ATAD2B: variants seen among roughly 807,000 people sequenced by gnomAD.
ATAD2B encodes ATPase family AAA domain containing 2B, also known as ATPase family AAA domain-containing protein 2B.
Under a neutral mutation model 167.6 loss-of-function variants are expected in ATAD2B, and 40 were observed. The observed-to-expected ratio is 0.24, with a 90% CI of 0.19 to 0.31. The LOEUF (loss-of-function observed/expected upper bound fraction) is 0.31, where lower values mean the gene tolerates loss of function less well. Ranked by LOEUF, ATAD2B falls within the 10% of genes least tolerant of loss-of-function variation. The pLI is 1.00. For missense variants in ATAD2B, 1,242 were observed against 1,757.2 expected, an observed-to-expected ratio of 0.71 and a Z score of 5.24; for synonymous variants, 579 against 596.5, an observed-to-expected ratio of 0.97 and a Z score of 0.43.
At chr2:23,882,897 A>G (rs1437061551) in intron 6 of ATAD2B, among the ~76,000 whole-genome samples, 2 of 152,154 alleles carry the variant, frequency 1.3e-5, no homozygotes, top group Admixed American at 1.3e-4. Flanking sequence ...TTTTAACCAC[A>G]AGAACTGTCA....
intron 17 of ATAD2B, among the ~76,000 whole-genome samples, chr2:23,818,102 C>CACAA (rs1686761241): frequency 3.2e-5 from 1 of 31,614 alleles, no homozygotes; most frequent in African/African-American, 7.9e-5. Context: ...ACATTACACA[C>CACAA]ACACACACAC....
the ATAD2B span, chr2:23,706,475 C>A: frequency 1.3e-6 from 2 of 1,490,318 alleles, no homozygotes; most frequent in Non-Finnish European, 1.8e-6. Context: ...CGCTTTCCCC[C>A]AACAGTGCTG....
At position 23,798,126 on chromosome 2, in the gene ATAD2B, A is replaced by G. The variant is rs1327892546; in HGVS notation, c.2640+12T>C. 1 of 1,422,770 alleles carries G rather than the reference A, an allele frequency of 7.0e-7. No individual in the cohort carries two copies. Among genetic ancestry groups the G allele is most frequent in the Admixed American group, 2.3e-5 (1 of 43,342 alleles). 88.1% of individuals were successfully genotyped at this position (1,422,770 alleles called of 1,614,324 possible). On this transcript the variant is annotated intron_variant, in intron 19 of 27. Coordinates refer to ENST00000238789, the MANE Select transcript of ATAD2B (RefSeq NM_017552.4). ...TATAATAAGGAAAGATAAATATTTA[A>G]TCAGTTCTTACCTCTTCAGGCAGTT...
chr2:23,878,026 A>AAAAAAAAAAAAAAAAAAAG (rs1553440562), intron 7 of ATAD2B, among the ~76,000 whole-genome samples: 1 of 129,330 alleles, frequency 7.7e-6, no homozygotes, highest in Non-Finnish European at 1.7e-5. Context: ...AAAAAAAAAA[A>AAAAAAAAAAAAAAAAAAAG]AAAAAAAAAA....
chr2:23,871,282 C>T (rs1207763975), intron 8 of ATAD2B, among the ~76,000 whole-genome samples: 1 of 150,756 alleles, frequency 6.6e-6, no homozygotes. Flanking sequence ...CTCAGCTCTG[C>T]TTTACTAAAA....
chr2:23,823,123 C>A, intron 16 of ATAD2B, 135 bp downstream of exon 16: 1 of 773,080 alleles, frequency 1.3e-6, no homozygotes. Context: ...GGCAATATGC[C>A]AGGCCTGGAA....
At chr2:23,865,366 T>C (rs879831205) in intron 10 of ATAD2B, among the ~76,000 whole-genome samples, 2 of 151,904 alleles carry the variant, frequency 1.3e-5, no homozygotes, top group Non-Finnish European at 2.9e-5. Flanking sequence ...CCATCTCTAC[T>C]AAAAATACAA....
chr2:23,848,973 A>C (rs1448629225), intron 13 of ATAD2B, among the ~76,000 whole-genome samples: 1 of 152,192 alleles, frequency 6.6e-6, no homozygotes, highest in Non-Finnish European at 1.5e-5. Flanking sequence ...TTATACCTCA[A>C]TAAAGCTCTT....
chr2:23,883,415 T>C (rs1573237530), intron 6 of ATAD2B, among the ~76,000 whole-genome samples: 1 of 152,064 alleles, frequency 6.6e-6, no homozygotes, highest in African/African-American at 2.4e-5. Flanking sequence ...AATAATACTA[T>C]AAAATACTTG....
At chr2:23,734,143 G>C in the ATAD2B span, among the ~76,000 whole-genome samples, 26 of 151,976 alleles carry the variant, frequency 1.7e-4, no homozygotes, top group African/African-American at 6.0e-4. Flanking sequence ...AGAATTACCC[G>C]ATACTGGGTA....
chr2:23,762,187 T>G, intron 24 of ATAD2B, 22 bp downstream of exon 24: 1 of 1,611,760 alleles, frequency 6.2e-7, no homozygotes, highest in Non-Finnish European at 8.5e-7. Context: ...CACTACTGGA[T>G]AACATGAGCT....
the ATAD2B span, among the ~76,000 whole-genome samples, chr2:23,695,156 G>A: frequency 3.9e-5 from 6 of 152,130 alleles, no homozygotes; most frequent in African/African-American, 7.2e-5. This position sits in a 1 kb window ranked among gnomAD's most constrained non-coding sequence, Gnocchi z 7.6. Flanking sequence ...AGGCTCCCAC[G>A]GCTGAGACTT....
the ATAD2B span, among the ~76,000 whole-genome samples, chr2:23,723,906 G>A: frequency 6.6e-6 from 1 of 152,174 alleles, no homozygotes; most frequent in East Asian, 1.9e-4. Flanking sequence ...TAAAGAAAAT[G>A]TGGTTATATA....
the ATAD2B span, chr2:23,691,978 C>T: frequency 6.2e-6 from 7 of 1,126,112 alleles, no homozygotes; most frequent in Non-Finnish European, 7.6e-6. Flanking sequence ...TGTGTGCACA[C>T]CTGAAGCTCC....
intron 22 of ATAD2B, among the ~76,000 whole-genome samples, chr2:23,778,426 T>C (rs1278102958): frequency 6.6e-6 from 1 of 152,204 alleles, no homozygotes; most frequent in African/African-American, 2.4e-5. Context: ...TACCAGCCCT[T>C]AGATTTGTTT....
chr2:23,884,220 A>G lies in ATAD2B; in HGVS notation c.784+545T>C, dbSNP rs1425466823. ...CATCAATTTATAATTCATGGGGCCA[A>G]TGTGCTGCTGTCATGTTCCCAACTC... On this transcript the variant is annotated intron_variant, in intron 6 of 27. Coordinates refer to ENST00000238789, the MANE Select transcript of ATAD2B (RefSeq NM_017552.4). Among the ~76,000 whole-genome samples, 3 of 152,146 alleles carry G rather than the reference A, an allele frequency of 2.0e-5. No individual in the cohort carries two copies. The East Asian group carries it at 5.8e-4, about 29-fold the overall frequency.
the ATAD2B span, among the ~76,000 whole-genome samples, chr2:23,681,883 T>C: frequency 6.6e-6 from 1 of 152,134 alleles, no homozygotes; most frequent in Admixed American, 6.5e-5. The surrounding 1 kb of genome is among the most constrained non-coding windows in gnomAD (Gnocchi z 4.2). Context: ...CTGAGCCTTA[T>C]CCAGCCTGGC....
At chr2:23,761,852 C>A (rs948227764) in intron 24 of ATAD2B, among the ~76,000 whole-genome samples, 1 of 152,120 alleles carries the variant, frequency 6.6e-6, no homozygotes, top group African/African-American at 2.4e-5. Context: ...GTCCATTTCC[C>A]ACCCTAAAGA....
chr2:23,826,140 T>C (rs1452190284), intron 15 of ATAD2B, among the ~76,000 whole-genome samples: 1 of 152,038 alleles, frequency 6.6e-6, no homozygotes, highest in Non-Finnish European at 1.5e-5. Flanking sequence ...ACCCAGTGAA[T>C]CAGAATCTCT....
Sources: gnomAD v4.1 joint callset for allele counts (sites outside exome capture counted in the v4.1 genomes callset) on GRCh38, gnomAD v4.1.1 for gene constraint, Gnocchi (gnomAD v3.1) non-coding constraint, MANE v1.5 for transcripts, NCBI Gene and HGNC (gene_info 2026-07-23, HGNC 2026-07-21) for gene names.